Variants in UST observed in about 807,000 individuals in gnomAD.
UST encodes chondroitin sulfate 2-O-sulfotransferase.
In UST, 21 loss-of-function variants were observed where a neutral mutation model predicts 45.6. The ratio of observed to expected loss-of-function variants is 0.46; its 90% confidence interval spans 0.33 to 0.66. The LOEUF is 0.66. UST is among the 30% of genes least tolerant of loss of function. The pLI, the probability that UST is intolerant of heterozygous loss-of-function variation, is 0.02. For synonymous variants in UST, 215 were observed against 200.6 expected (o/e 1.07, Z -0.61); for missense variants, 463 against 512.4 (o/e 0.90, Z 0.93).
chr6:148,814,031 A>G (rs533471195), intron 1 of UST, among the ~76,000 whole-genome samples: 6 of 152,168 alleles, frequency 3.9e-5, no homozygotes, highest in Non-Finnish European at 7.3e-5. Context: ...ATGCATTTAC[A>G]CGATGCACTT....
At chr6:148,963,698 T>C (rs914812331) in intron 4 of UST, among the ~76,000 whole-genome samples, 1 of 152,236 alleles carries the variant, frequency 6.6e-6, no homozygotes, top group Non-Finnish European at 1.5e-5. Flanking sequence ...GCATAGATTC[T>C]AGAGCCAGAT....
intron 5 of UST, among the ~76,000 whole-genome samples, chr6:148,968,917 C>T (rs542300882): frequency 5.3e-5 from 8 of 152,300 alleles, no homozygotes; most frequent in South Asian, 2.1e-4. Flanking sequence ...ACTGTTTATT[C>T]GGCTTGGCTG....
At chr6:149,071,728 A>G (rs1476415640) in intron 7 of UST, among the ~76,000 whole-genome samples, 1 of 152,210 alleles carries the variant, frequency 6.6e-6, no homozygotes, top group Non-Finnish European at 1.5e-5. Flanking sequence ...TATACCTGAT[A>G]TATGTGCAGA....
intron 5 of UST, among the ~76,000 whole-genome samples, chr6:148,990,824 TC>T (rs1781334756): frequency 6.6e-6 from 1 of 152,202 alleles, no homozygotes. Flanking sequence ...AGTGACACTC[TC>T]CTAGGAGCAG....
chr6:148,894,934 C>T (rs1013939667), intron 2 of UST, among the ~76,000 whole-genome samples: 2 of 151,134 alleles, frequency 1.3e-5, no homozygotes, highest in Non-Finnish European at 2.9e-5. Context: ...TCTCCTGCCT[C>T]AGCCTCCCGA....
At chr6:148,770,918 A>T (rs1007655264) in intron 1 of UST, among the ~76,000 whole-genome samples, 2 of 152,130 alleles carry the variant, frequency 1.3e-5, no homozygotes, top group Admixed American at 6.6e-5. Context: ...TTTTTAAATG[A>T]GATTTGACTT....
At chr6:149,055,312 A>G (rs74885258) in intron 7 of UST, among the ~76,000 whole-genome samples, 5,761 of 152,296 alleles carry the variant, frequency 0.038, 375 homozygotes, top group African/African-American at 0.13. Context: ...TAAAAAATAC[A>G]GTATGGATTT....
intron 1 of UST, among the ~76,000 whole-genome samples, chr6:148,779,425 G>A (rs941080380): frequency 1.3e-5 from 2 of 152,188 alleles, no homozygotes; most frequent in African/African-American, 4.8e-5. Context: ...TCCAACTCTG[G>A]GGAAGACATG....
At chr6:148,812,507 G>T (rs1582827324) in intron 1 of UST, among the ~76,000 whole-genome samples, 1 of 152,168 alleles carries the variant, frequency 6.6e-6, no homozygotes, top group Admixed American at 6.5e-5. Context: ...TGCTCATTAG[G>T]TCTCTCATGA....
chr6:148,892,020 T>C (rs1779028180), intron 2 of UST, among the ~76,000 whole-genome samples: 1 of 152,228 alleles, frequency 6.6e-6, no homozygotes, highest in African/African-American at 2.4e-5. Context: ...TCCGGGTTCT[T>C]TTCACAAAAT....
chr6:149,022,006 A>G (rs940594119), intron 7 of UST, among the ~76,000 whole-genome samples: 12 of 152,236 alleles, frequency 7.9e-5, no homozygotes, highest in African/African-American at 2.9e-4. Flanking sequence ...TGAAAATACA[A>G]TTATGATTTT....
intron 5 of UST, among the ~76,000 whole-genome samples, chr6:149,004,171 A>G (rs765159508): frequency 3.3e-5 from 5 of 152,214 alleles, no homozygotes; most frequent in Non-Finnish European, 7.3e-5. Context: ...GTACACACGA[A>G]AAACCTACTC....
chr6:148,787,031 A>G (rs1202005570), intron 1 of UST, among the ~76,000 whole-genome samples: 1 of 151,992 alleles, frequency 6.6e-6, no homozygotes, highest in African/African-American at 2.4e-5. Flanking sequence ...GTGTCTGTTC[A>G]TGTCCTTTGC....
intron 3 of UST, among the ~76,000 whole-genome samples, chr6:148,951,171 G>A (rs1180764625): frequency 6.6e-6 from 1 of 152,214 alleles, no homozygotes; most frequent in Admixed American, 6.5e-5. Flanking sequence ...GAGGGAAATA[G>A]CACAGGTGGA....
At chr6:148,811,002 G>T (rs1582826551) in intron 1 of UST, among the ~76,000 whole-genome samples, 1 of 152,130 alleles carries the variant, frequency 6.6e-6, no homozygotes, top group African/African-American at 2.4e-5. Context: ...TTTATGAAAG[G>T]TACACCAGTT....
chr6:149,007,014 T>G (rs1289838255), intron 5 of UST, among the ~76,000 whole-genome samples: 5 of 152,174 alleles, frequency 3.3e-5, no homozygotes, highest in African/African-American at 1.2e-4. Flanking sequence ...GAATGACTTC[T>G]CTTAACTGGA....
At chr6:148,980,895 A>G (rs932961938) in intron 5 of UST, among the ~76,000 whole-genome samples, 1 of 149,354 alleles carries the variant, frequency 6.7e-6, no homozygotes, top group African/African-American at 2.5e-5. Flanking sequence ...AATTTTTGTA[A>G]TTTTTTTTTT....
At chr6:148,992,256 G>A (rs367843095) in intron 5 of UST, among the ~76,000 whole-genome samples, 7 of 152,176 alleles carry the variant, frequency 4.6e-5, no homozygotes, top group African/African-American at 1.4e-4. Flanking sequence ...TGTAATCCCA[G>A]CACTTTGAGA....
chr6:149,004,038 TAA>T (rs1162676214), intron 5 of UST, among the ~76,000 whole-genome samples: 2 of 152,238 alleles, frequency 1.3e-5, no homozygotes, highest in African/African-American at 2.4e-5. Flanking sequence ...CCATGTTTTT[TAA>T]AAGATACTTT....
Sources: gnomAD v4.1 joint callset for allele counts (sites outside exome capture counted in the v4.1 genomes callset) on GRCh38, gnomAD v4.1.1 for gene constraint, MANE v1.5 for transcripts, NCBI Gene and HGNC (gene_info 2026-07-23, HGNC 2026-07-21) for gene names.